Variants in RALYL observed in about 807,000 individuals in gnomAD.
RALYL encodes RALY RNA binding protein like, also known as RNA-binding Raly-like protein.
In RALYL, 29 loss-of-function variants were observed where a neutral mutation model predicts 35.1. That is an observed-to-expected ratio of 0.83 (90% CI 0.61 to 1.13). The LOEUF (loss-of-function observed/expected upper bound fraction) is 1.13. Among genes scored for constraint, RALYL ranks in the 50% most tolerant of loss-of-function variants. RALYL has a pLI of 0.00. For missense variants in RALYL, 359 were observed against 360.4 expected, an observed-to-expected ratio of 1.00 and a Z score of 0.03; for synonymous variants, 120 against 127.6, an observed-to-expected ratio of 0.94 and a Z score of 0.40.
intron 1 of RALYL, among the ~76,000 whole-genome samples, chr8:84,428,703 C>T (rs545677966): frequency 6.6e-6 from 1 of 152,210 alleles, no homozygotes; most frequent in South Asian, 2.1e-4. Context: ...TACACAGAGA[C>T]ACATACAGTG....
intron 2 of RALYL, among the ~76,000 whole-genome samples, chr8:84,707,920 A>G (rs1841500308): frequency 6.6e-6 from 1 of 152,114 alleles, no homozygotes; most frequent in African/African-American, 2.4e-5. Flanking sequence ...TTTCAGTCAT[A>G]TCTTTTATGC....
chr8:84,232,886 T>C (rs1825680605), intron 1 of RALYL, among the ~76,000 whole-genome samples: 1 of 152,166 alleles, frequency 6.6e-6, no homozygotes. Context: ...CCATTAAAAG[T>C]GGTATAGTAA....
chr8:84,392,881 A>G (rs1861017505), intron 1 of RALYL, among the ~76,000 whole-genome samples: 1 of 152,080 alleles, frequency 6.6e-6, no homozygotes, highest in African/African-American at 2.4e-5. Flanking sequence ...GTGTTTTATC[A>G]TCTACATAGA....
intron 1 of RALYL, among the ~76,000 whole-genome samples, chr8:84,231,471 G>A (rs1529988): frequency 0.67 from 101,814 of 151,930 alleles, 34,230 homozygotes; most frequent in East Asian, 0.74. Flanking sequence ...AAATGGCCAT[G>A]TTTGTTCTCT....
At chr8:84,843,030 T>G (rs1033940602) in intron 4 of RALYL, among the ~76,000 whole-genome samples, 1 of 152,160 alleles carries the variant, frequency 6.6e-6, no homozygotes, top group African/African-American at 2.4e-5. Flanking sequence ...GGGCAAAAAC[T>G]GGAAGCATTC....
At chr8:84,506,291 C>G (rs1444144861) in intron 1 of RALYL, among the ~76,000 whole-genome samples, 2 of 151,932 alleles carry the variant, frequency 1.3e-5, no homozygotes, top group Non-Finnish European at 2.9e-5. Context: ...AGTTAAATAA[C>G]TTTCATAAAG....
intron 1 of RALYL, among the ~76,000 whole-genome samples, chr8:84,452,549 T>C (rs1484035845): frequency 6.6e-6 from 1 of 151,886 alleles, no homozygotes; most frequent in East Asian, 1.9e-4. Context: ...GTTATCAATA[T>C]AAGGGTGACA....
At chr8:84,819,373 C>A (rs1007635994) in intron 4 of RALYL, among the ~76,000 whole-genome samples, 4 of 152,132 alleles carry the variant, frequency 2.6e-5, no homozygotes, top group African/African-American at 9.7e-5. Context: ...AAAGCTTAAA[C>A]CCATCATTTA....
chr8:84,844,110 T>C (rs1388366589), intron 4 of RALYL, among the ~76,000 whole-genome samples: 2 of 151,932 alleles, frequency 1.3e-5, no homozygotes, highest in East Asian at 3.9e-4. Flanking sequence ...AAGCCAAAAT[T>C]GACAAATGGG....
intron 1 of RALYL, among the ~76,000 whole-genome samples, chr8:84,199,537 T>A (rs1457699236): frequency 6.6e-6 from 1 of 152,182 alleles, no homozygotes; most frequent in East Asian, 1.9e-4. Flanking sequence ...TAATTTGTTA[T>A]GCTCGTAGGA....
chr8:84,710,935 A>G lies in RALYL; in HGVS notation c.257-63644A>G, dbSNP rs192152483. Among the ~76,000 whole-genome samples, 256 of 152,296 alleles carry G rather than the reference A, an allele frequency of 1.7e-3. 1 individual carries two copies. Among genetic ancestry groups the G allele is most frequent in the African/African-American group, 5.8e-3 (241 of 41,572 alleles). On this transcript the variant is annotated intron_variant, in intron 2 of 8. Coordinates refer to ENST00000521268, the MANE Select transcript of RALYL (RefSeq NM_173848.7). ...AATATGCTATGTAATGCTAAGTGCT[A>G]TGGAGAAAAATAAAGCAAGTAAGGG... is the stretch of plus-strand genomic sequence containing the variant.
In RALYL at chr8:84,413,006, G is replaced by A. The variant is rs900111761; in HGVS notation, c.-23-116293G>A. On this transcript the variant is annotated intron_variant, in intron 1 of 8. Coordinates refer to ENST00000521268, the MANE Select transcript of RALYL (RefSeq NM_173848.7). The stretch of plus-strand genomic sequence containing the variant: ...GGAAGCAAAGAGAAAGAATGCAACA[G>A]AGAAGAAGAAAAAAGAATAAAAGTT... 5.3e-5 allele frequency among the ~76,000 whole-genome samples: 8 copies of A among 151,710 alleles called. 2 individuals carry two copies. The highest frequency in any genetic ancestry group is 5.3e-4 in the Admixed American group (8 of 15,230).
chr8:84,731,216 G>A (rs1276593033), intron 2 of RALYL, among the ~76,000 whole-genome samples: 1 of 152,174 alleles, frequency 6.6e-6, no homozygotes, highest in Non-Finnish European at 1.5e-5. Flanking sequence ...TGGAGACAGA[G>A]TCTGTAGAAT....
intron 1 of RALYL, among the ~76,000 whole-genome samples, chr8:84,485,799 C>T (rs1264993226): frequency 6.6e-6 from 1 of 152,076 alleles, no homozygotes; most frequent in Non-Finnish European, 1.5e-5. Flanking sequence ...CTTCTCACGA[C>T]ACCCTCTGTT....
intron 2 of RALYL, among the ~76,000 whole-genome samples, chr8:84,559,131 A>G (rs2061326104): frequency 6.6e-6 from 1 of 151,854 alleles, no homozygotes; most frequent in African/African-American, 2.4e-5. Context: ...TTTTTTTTAA[A>G]TTACTGAGTG....
At chr8:84,542,976 A>C (rs1195000323) in intron 2 of RALYL, among the ~76,000 whole-genome samples, 1 of 152,146 alleles carries the variant, frequency 6.6e-6, no homozygotes, top group African/African-American at 2.4e-5. Flanking sequence ...TTTATGTTGA[A>C]ATACATTTTG....
rs183964482 is a variant in RALYL, at chr8:84,621,156, C to T, written c.256+91579C>T. Among the ~76,000 whole-genome samples, 8 of 152,154 alleles carry T rather than the reference C, an allele frequency of 5.3e-5. No individual in the cohort carries two copies. The East Asian group carries it at 9.7e-4, about 18-fold the overall frequency. On this transcript the variant is annotated intron_variant, in intron 2 of 8. Transcript: ENST00000521268. Reference sequence around the variant, plus strand: ...CCTGGCTGCTCTGTTTACCTAAGCACGCCTGGGCAATGGTGGGTGCCCCTC... The same window carrying T: ...CCTGGCTGCTCTGTTTACCTAAGCATGCCTGGGCAATGGTGGGTGCCCCTC...
Position 84,672,405 on chromosome 8 carries a change from G to T in RALYL, c.257-102174G>T, listed in dbSNP as rs138460501. ...GTTCCAAACTTTCCCACATTTTCCT[G>T]TCTTCTTCTGAGTCCTCCAACTGTT... On this transcript the variant is annotated intron_variant, in intron 2 of 8. Transcript: ENST00000521268. 2.1e-3 allele frequency among the ~76,000 whole-genome samples: 313 copies of T among 152,158 alleles called. 1 individual carries two copies. Among genetic ancestry groups the T allele is most frequent in the African/African-American group, 7.3e-3 (301 of 41,508 alleles).
At chr8:84,435,873 G>A (rs1279750486) in intron 1 of RALYL, among the ~76,000 whole-genome samples, 2 of 152,124 alleles carry the variant, frequency 1.3e-5, no homozygotes, top group Non-Finnish European at 2.9e-5. Flanking sequence ...TTTACTCAGA[G>A]CTGTCCCCTG....
Sources: allele counts gnomAD v4.1 joint callset (sites outside exome capture counted in the v4.1 genomes callset), GRCh38; gene constraint gnomAD v4.1.1; transcripts MANE v1.5; gene names NCBI Gene and HGNC (gene_info 2026-07-23, HGNC 2026-07-21).